ATOSB: variants seen among roughly 807,000 people sequenced by gnomAD.
ATOSB encodes the protein atos homolog B, also known as atos homolog protein B.
the ATOSB span, chr9:35,106,367 T>C: frequency 6.2e-7 from 1 of 1,614,160 alleles, no homozygotes; most frequent in Non-Finnish European, 8.5e-7. The surrounding 1 kb of genome is among the most constrained non-coding windows in gnomAD (Gnocchi z 4.6). Flanking sequence ...TGTGAAGCCC[T>C]CAATGTGGCC....
chr9:35,104,950 G>C, the ATOSB span: 1 of 322,928 alleles, frequency 3.1e-6, no homozygotes, highest in African/African-American at 2.1e-5. Context: ...CTGGGAACTT[G>C]AGAAAATCTC....
At chr9:35,112,323 T>C in the ATOSB span, 1 of 55,386 alleles carries the variant, frequency 1.8e-5, no homozygotes, top group East Asian at 6.3e-4. Context: ...GCACTCTTTC[T>C]ACTCACAGGC....
the ATOSB span, among the ~76,000 whole-genome samples, chr9:35,115,119 C>T: frequency 1.3e-5 from 2 of 152,092 alleles, no homozygotes; most frequent in East Asian, 3.9e-4. Context: ...TGACAGGAAC[C>T]CAGCGGGGGA....
the ATOSB span, chr9:35,105,437 A>C: frequency 6.5e-7 from 1 of 1,548,020 alleles, no homozygotes; most frequent in Non-Finnish European, 8.8e-7. The surrounding 1 kb of genome is among the most constrained non-coding windows in gnomAD (Gnocchi z 5.5). Context: ...CATGCCTGTA[A>C]TTCCAGTGCT....
chr9:35,108,338 G>A, the ATOSB span: 2 of 1,468,762 alleles, frequency 1.4e-6, no homozygotes, highest in South Asian at 1.3e-5. Context: ...GGGCTGGGGG[G>A]CCTGGGGACA....
the ATOSB span, chr9:35,107,373 T>C: frequency 6.8e-6 from 11 of 1,609,180 alleles, no homozygotes; most frequent in African/African-American, 6.7e-5. Flanking sequence ...GGTCCTTTAT[T>C]GGCTTACCAA....
chr9:35,107,769 C>A, the ATOSB span: 2 of 1,560,456 alleles, frequency 1.3e-6, no homozygotes, highest in African/African-American at 2.7e-5. Context: ...CCCCAGGGAC[C>A]CCTGTCCCCC....
At chr9:35,106,969 T>G in the ATOSB span, 7 of 1,292,654 alleles carry the variant, frequency 5.4e-6, no homozygotes, top group Non-Finnish European at 7.7e-6. This position sits in a 1 kb window ranked among gnomAD's most constrained non-coding sequence, Gnocchi z 4.6. Context: ...TCACAAACTC[T>G]CAAAGGAACA....
At chr9:35,114,467 C>T in the ATOSB span, among the ~76,000 whole-genome samples, 1 of 151,954 alleles carries the variant, frequency 6.6e-6, no homozygotes, top group Non-Finnish European at 1.5e-5. Flanking sequence ...CTGTCACACT[C>T]ATTTAGCCAC....
At chr9:35,106,183 C>A in the ATOSB span, 1 of 1,595,210 alleles carries the variant, frequency 6.3e-7, no homozygotes, top group Non-Finnish European at 8.6e-7. This position sits in a 1 kb window ranked among gnomAD's most constrained non-coding sequence, Gnocchi z 4.6. Flanking sequence ...ATACCTCTTG[C>A]CCCCTGGCCC....
chr9:35,112,227 G>A, the ATOSB span: 146,852 of 152,266 alleles, frequency 0.96, 70,993 homozygotes, highest in Middle Eastern at 1. Context: ...AGCCCCACGG[G>A]TTCCTAAGAT....
the ATOSB span, chr9:35,106,871 G>A: frequency 3.8e-5 from 59 of 1,571,932 alleles, no homozygotes; most frequent in Middle Eastern, 3.3e-4. The surrounding 1 kb of genome is among the most constrained non-coding windows in gnomAD (Gnocchi z 4.6). Flanking sequence ...TCCGCCCCAT[G>A]GGACCGCAGT....
the ATOSB span, chr9:35,108,157 C>G: frequency 1.2e-4 from 191 of 1,585,538 alleles, no homozygotes; most frequent in Non-Finnish European, 1.6e-4. Flanking sequence ...GTCGCCCCCC[C>G]TGCTGGGCTG....
At chr9:35,106,185 C>G in the ATOSB span, 3 of 1,601,808 alleles carry the variant, frequency 1.9e-6, no homozygotes, top group Non-Finnish European at 2.6e-6. This position sits in a 1 kb window ranked among gnomAD's most constrained non-coding sequence, Gnocchi z 4.6. Flanking sequence ...ACCTCTTGCC[C>G]CCTGGCCCCG....
chr9:35,108,087 TGAGGCTCA>T, the ATOSB span: 1 of 1,542,308 alleles, frequency 6.5e-7, no homozygotes, highest in South Asian at 1.3e-5. Flanking sequence ...CAGGGCCCTA[TGAGGCTCA>T]GAGGTACCAG....
At chr9:35,106,579 G>A in the ATOSB span, 1 of 1,571,014 alleles carries the variant, frequency 6.4e-7, no homozygotes, top group South Asian at 1.2e-5. The surrounding 1 kb of genome is among the most constrained non-coding windows in gnomAD (Gnocchi z 4.6). Context: ...GCAGGGGTAG[G>A]AACAGGGGAG....
chr9:35,104,735 T>G, the ATOSB span: 1 of 259,744 alleles, frequency 3.8e-6, no homozygotes, highest in South Asian at 3.3e-5. Context: ...GGAAAGCAGT[T>G]CTCCTCCTGC....
At chr9:35,105,011 G>A in the ATOSB span, 1 of 457,800 alleles carries the variant, frequency 2.2e-6, no homozygotes. This position sits in a 1 kb window ranked among gnomAD's most constrained non-coding sequence, Gnocchi z 5.5. Flanking sequence ...GGAAACCCAA[G>A]GGAGGGGACA....
the ATOSB span, chr9:35,111,238 G>T: frequency 6.5e-6 from 1 of 152,722 alleles, no homozygotes; most frequent in South Asian, 2.1e-4. Flanking sequence ...TGGAGCTTCG[G>T]AGATTTGCTC....
Sources: gnomAD v4.1 joint callset for allele counts (sites outside exome capture counted in the v4.1 genomes callset) on GRCh38, gnomAD v4.1.1 for gene constraint, Gnocchi (gnomAD v3.1) non-coding constraint, MANE v1.5 for transcripts, NCBI Gene and HGNC (gene_info 2026-07-23, HGNC 2026-07-21) for gene names.